PRDM11: variants seen among roughly 807,000 people sequenced by gnomAD.
The protein encoded by PRDM11 is PR domain-containing protein 11.
Under a neutral mutation model 97.8 loss-of-function variants are expected in PRDM11, and 20 were observed. The observed-to-expected ratio is 0.20, with a 90% CI of 0.14 to 0.30. The LOEUF (loss-of-function observed/expected upper bound fraction) is 0.30. Among genes scored for constraint, PRDM11 ranks in the 10% least tolerant of loss-of-function variants. The pLI is 1.00. For missense variants in PRDM11, 1,139 were observed against 1,555.2 expected (o/e 0.73, Z 4.50); for synonymous variants, 599 against 637.7 (o/e 0.94, Z 0.91).
chr11:45,139,435 C>T (rs1211662156), intron 1 of PRDM11, among the ~76,000 whole-genome samples: 1 of 151,974 alleles, frequency 6.6e-6, no homozygotes, highest in Non-Finnish European at 1.5e-5. Context: ...GGCATGGTGG[C>T]AGGCTTCTCT....
chr11:45,155,275 C>T lies in PRDM11; in HGVS notation c.-7+8398C>T, dbSNP rs190977993. ...AGGAAAGGATCTGGCTGCCCGATGC[C>T]AGGGGATGGAGATGGCCGGCTTGGG... On this transcript the variant is annotated intron_variant, in intron 1 of 7. Coordinates refer to ENST00000683152, the MANE Select transcript of PRDM11 (RefSeq NM_001384648.1). 6.6e-5 allele frequency among the ~76,000 whole-genome samples: 10 copies of T among 152,310 alleles called. No individual in the cohort carries two copies. In the East Asian group the frequency reaches 1.9e-3, roughly 30 times the overall value.
intron 1 of PRDM11, among the ~76,000 whole-genome samples, chr11:45,116,526 AT>A (rs1852306549): frequency 6.6e-6 from 1 of 152,250 alleles, no homozygotes; most frequent in African/African-American, 2.4e-5. Flanking sequence ...ATATTAACAT[AT>A]CTTTAAATAA....
chr11:45,113,670 G>T (rs1233535329), intron 1 of PRDM11, among the ~76,000 whole-genome samples: 1 of 151,736 alleles, frequency 6.6e-6, no homozygotes, highest in Non-Finnish European at 1.5e-5. Context: ...TCACCTCTTT[G>T]GTTAAGTATA....
intron 1 of PRDM11, among the ~76,000 whole-genome samples, chr11:45,126,051 T>G (rs1000374826): frequency 2.3e-4 from 35 of 152,334 alleles, no homozygotes; most frequent in Admixed American, 1.6e-3. Flanking sequence ...ATATTTAGGA[T>G]AGTTAGCTCT....
intron 1 of PRDM11, among the ~76,000 whole-genome samples, chr11:45,160,873 C>T (rs117085998): frequency 0.014 from 2,162 of 152,306 alleles, 26 homozygotes; most frequent in Non-Finnish European, 0.022. Flanking sequence ...GCTCTCCTGG[C>T]CCCTGCTAGC....
intron 1 of PRDM11, among the ~76,000 whole-genome samples, chr11:45,177,508 C>A (rs1281056955): frequency 6.6e-6 from 1 of 152,204 alleles, no homozygotes; most frequent in Non-Finnish European, 1.5e-5. Flanking sequence ...TCTCTCTCCC[C>A]AGTGGAAGTT....
chr11:45,188,344 C>T (rs1378653895), intron 4 of PRDM11, among the ~76,000 whole-genome samples: 2 of 152,232 alleles, frequency 1.3e-5, no homozygotes, highest in Non-Finnish European at 2.9e-5. Context: ...ATGAGTCATT[C>T]TGCACAAAGC....
chr11:45,219,622 C>T lies in PRDM11; in HGVS notation c.607C>T (p.His203Tyr). ...EREQNLLAFQ[H>Y]SERIYFRACR... ...GGAGCAGAACCTGCTGGCGTTCCAG[C>T]ACAGTGAGCGCATCTACTTCCGGGC... is the stretch of plus-strand genomic sequence containing the variant. The change falls in exon 6 of 8, where the codon CAC becomes TAC. Residue 203 changes from histidine to tyrosine, a missense_variant. This residue lies in a region of PRDM11 where 429 missense variants were observed against 510.3 expected (regional missense o/e 0.84). Transcript: ENST00000683152. The surrounding 1 kb of genome is among the most constrained non-coding windows in gnomAD (Gnocchi z 4.2). 1.2e-6 allele frequency: 2 copies of T among 1,614,156 alleles called. No homozygotes were observed. The highest frequency in any genetic ancestry group is 1.1e-5 in the South Asian group (1 of 91,072).
intron 6 of PRDM11, among the ~76,000 whole-genome samples, chr11:45,223,986 C>T (rs1192205999): frequency 6.6e-6 from 1 of 152,182 alleles, no homozygotes; most frequent in African/African-American, 2.4e-5. Context: ...AGACATGAGG[C>T]TTCTTGGAAA....
At chr11:45,169,534 A>G (rs1413830101) in intron 1 of PRDM11, among the ~76,000 whole-genome samples, 1 of 152,254 alleles carries the variant, frequency 6.6e-6, no homozygotes, top group Non-Finnish European at 1.5e-5. Context: ...TAACAGCCTT[A>G]CCAAGTAGGT....
At chr11:45,152,314 G>A (rs1453532180) in intron 1 of PRDM11, among the ~76,000 whole-genome samples, 1 of 152,118 alleles carries the variant, frequency 6.6e-6, no homozygotes, top group Non-Finnish European at 1.5e-5. Flanking sequence ...TGATCCACCT[G>A]CCTCAGTCTC....
chr11:45,128,516 C>T (rs73464558), intron 1 of PRDM11, among the ~76,000 whole-genome samples: 3,196 of 151,128 alleles, frequency 0.021, 115 homozygotes, highest in African/African-American at 0.073. Context: ...CCCCTCCCCC[C>T]GCTGATATCA....
In PRDM11 at chr11:45,226,713, G is replaced by C; in HGVS notation, c.2088G>C (p.Glu696Asp). 1 of 1,533,990 alleles carries C rather than the reference G, an allele frequency of 6.5e-7. No homozygotes were observed. Among genetic ancestry groups the C allele is most frequent in the Non-Finnish European group, 8.7e-7 (1 of 1,146,732 alleles). The change falls in exon 8 of 8, where the codon GAG (glutamate) becomes GAC (aspartate). Residue 696 changes from glutamate (E) to aspartate (D), a missense_variant. Around this residue, in one of 2 missense-constraint regions of PRDM11, gnomAD observed 710 missense variants for 1,044.9 expected, o/e 0.68. Transcript: ENST00000683152. Reference protein sequence around the residue: ...PPATEFLSLQELGFSSTESYL... With the variant: ...PPATEFLSLQDLGFSSTESYL... Reference sequence around the variant, plus strand: ...CCACAGAGTTCCTGTCCCTGCAGGAGCTGGGATTCTCTAGCACAGAAAGCT... The same window carrying C: ...CCACAGAGTTCCTGTCCCTGCAGGACCTGGGATTCTCTAGCACAGAAAGCT...
At chr11:45,143,449 A>G (rs1224375214), upstream of PRDM11, among the ~76,000 whole-genome samples, 1 of 152,130 alleles carries the variant, frequency 6.6e-6, no homozygotes, top group Non-Finnish European at 1.5e-5. Context: ...TTGTTAGTAC[A>G]TTTTTTGCAA....
chr11:45,230,190 TAAAAAACA>T lies in PRDM11; in HGVS notation c.*2037_*2044del, dbSNP rs1180869238. On this transcript the variant is annotated 3_prime_UTR_variant, in exon 8 of 8. Coordinates refer to ENST00000683152, the MANE Select transcript of PRDM11 (RefSeq NM_001384648.1). ...TGTTTTCAACAGTGATGTAGCATGT[TAAAAAACA>T]AAAAACAAAAAAAAATGGGTTCCTC... The T allele has an allele frequency of 2.0e-5, 3 of 151,408 alleles. No individual in the cohort carries two copies. Among genetic ancestry groups the T allele is most frequent in the Non-Finnish European group, 2.9e-5 (2 of 67,884 alleles). The allele number at this position is 151,408 out of a possible 1,614,324, so 9.4% of individuals were successfully genotyped here.
chr11:45,191,732 T>C (rs1381943244), intron 4 of PRDM11, among the ~76,000 whole-genome samples: 1 of 152,126 alleles, frequency 6.6e-6, no homozygotes, highest in East Asian at 1.9e-4. Flanking sequence ...GAAATGGTGT[T>C]TAGGAGCCAA....
chr11:45,133,733 G>A (rs1852770647), intron 1 of PRDM11, among the ~76,000 whole-genome samples: 1 of 152,154 alleles, frequency 6.6e-6, no homozygotes, highest in South Asian at 2.1e-4. Flanking sequence ...TCCCCAACGG[G>A]CACATAGTGG....
At chr11:45,112,788 T>TTG (rs113245678) in intron 1 of PRDM11, among the ~76,000 whole-genome samples, 20,056 of 149,868 alleles carry the variant, frequency 0.13, 1,416 homozygotes, top group Middle Eastern at 0.23. Flanking sequence ...ATGGGATTAT[T>TTG]TGTGTGTGTG....
intron 4 of PRDM11, among the ~76,000 whole-genome samples, chr11:45,199,766 G>A (rs1353442493): frequency 6.6e-6 from 1 of 152,176 alleles, no homozygotes; most frequent in Non-Finnish European, 1.5e-5. Context: ...CTCTACTCAG[G>A]ATGGCCTGGG....
Sources: allele counts gnomAD v4.1 joint callset (sites outside exome capture counted in the v4.1 genomes callset), GRCh38; gene constraint gnomAD v4.1.1; regional missense constraint gnomAD v4.1.1; non-coding constraint Gnocchi (gnomAD v3.1); transcripts MANE v1.5; gene names NCBI Gene and HGNC (gene_info 2026-07-23, HGNC 2026-07-21).